CSGALNACT1: variants seen among roughly 807,000 people sequenced by gnomAD.
The protein encoded by CSGALNACT1 is beta4GalNAcT-1.
A neutral mutation model predicts 51.0 loss-of-function variants in CSGALNACT1; 52 were observed. The observed-to-expected ratio is 1.02, with a 90% CI of 0.82 to 1.29. CSGALNACT1 has a LOEUF of 1.29. Ranked by LOEUF, CSGALNACT1 falls within the 50% of genes most tolerant of loss-of-function variation. The probability of loss-of-function intolerance (pLI) is 0.00; values close to 1 mark genes in which losing one functional copy is unlikely to be tolerated. For synonymous variants in CSGALNACT1, 341 were observed against 254.4 expected (o/e 1.34, Z -3.24); for missense variants, 935 against 679.2 (o/e 1.38, Z -4.19).
rs148810039 is a variant in CSGALNACT1, at chr8:19,540,412, T to A, written c.-296-34282A>T. Among the ~76,000 whole-genome samples the A allele has an allele frequency of 9.4e-3, 1,431 of 152,298 alleles. 22 individuals carry two copies. The highest frequency in any genetic ancestry group is 0.033 in the African/African-American group (1,357 of 41,564). On this transcript the variant is annotated intron_variant, in intron 3 of 9. Coordinates refer to ENST00000454498, the Ensembl canonical transcript of CSGALNACT1. ...TCTTGCTCCCTGGATTCGTACCCCATCGGCTCACTGTGTGGATACAAAAGT... is the reference window on the plus strand; with the variant it reads ...TCTTGCTCCCTGGATTCGTACCCCAACGGCTCACTGTGTGGATACAAAAGT...
intron 3 of CSGALNACT1, among the ~76,000 whole-genome samples, chr8:19,573,675 C>G (rs1425547444): frequency 1.3e-5 from 2 of 152,074 alleles, no homozygotes; most frequent in East Asian, 3.9e-4. Context: ...AACTTCTGAC[C>G]TCAAGTGCTC....
intron 4 of CSGALNACT1, among the ~76,000 whole-genome samples, chr8:19,465,778 T>G (rs1043016556): frequency 1.3e-5 from 2 of 152,188 alleles, no homozygotes; most frequent in Middle Eastern, 3.2e-3. Flanking sequence ...ATTTCACAGA[T>G]GAGCAAAATG....
chr8:19,715,214 T>C (rs1165969533), intron 1 of CSGALNACT1, among the ~76,000 whole-genome samples: 5 of 152,162 alleles, frequency 3.3e-5, no homozygotes, highest in Admixed American at 6.5e-5. Context: ...GAGAACAGTA[T>C]GGGGGAAACT....
chr8:19,684,075 AG>A (rs1436153303), upstream of CSGALNACT1, among the ~76,000 whole-genome samples: 1 of 152,180 alleles, frequency 6.6e-6, no homozygotes, highest in Non-Finnish European at 1.5e-5. Flanking sequence ...CTGAAGCAGG[AG>A]AATCGTATGA....
intron 1 of CSGALNACT1, among the ~76,000 whole-genome samples, chr8:19,633,768 G>T (rs969023199): frequency 2.0e-5 from 3 of 152,188 alleles, no homozygotes; most frequent in Non-Finnish European, 4.4e-5. Flanking sequence ...AGCTTGTAGT[G>T]ATTTGTTATA....
intron 4 of CSGALNACT1, among the ~76,000 whole-genome samples, chr8:19,494,848 C>G (rs2075149127): frequency 6.9e-6 from 1 of 144,170 alleles, no homozygotes; most frequent in Non-Finnish European, 1.5e-5. Context: ...TCCATTTCTT[C>G]CCTCCACCCT....
chr8:19,530,960 C>T lies in CSGALNACT1; in HGVS notation c.-296-24830G>A, dbSNP rs561532983. 3.6e-4 allele frequency among the ~76,000 whole-genome samples: 55 copies of T among 152,284 alleles called. No homozygotes were observed. The South Asian group carries it at 4.4e-3, about 12-fold the overall frequency. ...CTACAGGGGGTTCTCTGCCACTCCC[C>T]ACAGAAACTGTCATCAGTCAATCAG... On this transcript the variant is annotated intron_variant, in intron 3 of 9. Transcript: ENST00000454498.
intron 1 of CSGALNACT1, among the ~76,000 whole-genome samples, chr8:19,660,511 G>A (rs1335129998): frequency 6.6e-6 from 1 of 152,138 alleles, no homozygotes; most frequent in East Asian, 1.9e-4. Flanking sequence ...AAATTGGGAG[G>A]AATACCAATG....
At chr8:19,460,731 C>G (rs1384621802) in intron 4 of CSGALNACT1, among the ~76,000 whole-genome samples, 1 of 152,200 alleles carries the variant, frequency 6.6e-6, no homozygotes, top group Non-Finnish European at 1.5e-5. Flanking sequence ...AGGTCTCTCA[C>G]AAACCCCTCC....
At chr8:19,598,552 T>C (rs2049479807) in intron 2 of CSGALNACT1, among the ~76,000 whole-genome samples, 1 of 152,264 alleles carries the variant, frequency 6.6e-6, no homozygotes, top group Non-Finnish European at 1.5e-5. Flanking sequence ...TATTTACTTA[T>C]AACATCTGCT....
chr8:19,651,981 A>G lies in CSGALNACT1; in HGVS notation c.-544+30492T>C, dbSNP rs182396004. On this transcript the variant is annotated intron_variant, in intron 1 of 9. Coordinates refer to the CSGALNACT1 transcript ENST00000332246. ...GCTCTCACTCTGCCACCCAGACTAG[A>G]GTACAGTGGCGTGATCTCCGCTCAC... Among the ~76,000 whole-genome samples, 551 of 151,754 alleles carry G rather than the reference A, an allele frequency of 3.6e-3. 3 individuals carry two copies. Among genetic ancestry groups the G allele is most frequent in the African/African-American group, 0.012 (500 of 41,362 alleles).
chr8:19,661,037 C>A (rs1361490682), intron 1 of CSGALNACT1, among the ~76,000 whole-genome samples: 1 of 152,208 alleles, frequency 6.6e-6, no homozygotes, highest in South Asian at 2.1e-4. Flanking sequence ...TTCACCCTCC[C>A]AAGTAGCTGG....
intron 1 of CSGALNACT1, among the ~76,000 whole-genome samples, chr8:19,692,009 A>G (rs2061350821): frequency 6.6e-6 from 1 of 152,140 alleles, no homozygotes; most frequent in Non-Finnish European, 1.5e-5. Flanking sequence ...TCATGGCAGA[A>G]GGGGAAACAA....
At chr8:19,440,496 G>A (rs2061142128) in intron 5 of CSGALNACT1, among the ~76,000 whole-genome samples, 1 of 151,606 alleles carries the variant, frequency 6.6e-6, no homozygotes, top group South Asian at 2.1e-4. Flanking sequence ...ATGCAGAAAA[G>A]GCCTTTGACA....
intron 4 of CSGALNACT1, among the ~76,000 whole-genome samples, chr8:19,480,163 T>C (rs146173336): frequency 6.6e-6 from 1 of 152,368 alleles, no homozygotes; most frequent in East Asian, 1.9e-4. Context: ...GTTTGTTATA[T>C]AGGTAAACTT....
At chr8:19,439,594 C>A (rs2060969336) in intron 6 of CSGALNACT1, among the ~76,000 whole-genome samples, 1 of 152,234 alleles carries the variant, frequency 6.6e-6, no homozygotes, top group Non-Finnish European at 1.5e-5. Flanking sequence ...CTGCTGTGCG[C>A]AGTTTATCTC....
intron 3 of CSGALNACT1, among the ~76,000 whole-genome samples, chr8:19,521,894 G>C (rs536004495): frequency 6.2e-4 from 94 of 152,348 alleles, no homozygotes; most frequent in Non-Finnish European, 1.1e-3. Flanking sequence ...GCAAGCATCT[G>C]CTCTACCAAT....
chr8:19,428,316 C>A (rs1563341594), intron 6 of CSGALNACT1, among the ~76,000 whole-genome samples: 4 of 152,116 alleles, frequency 2.6e-5, no homozygotes, highest in African/African-American at 9.7e-5. Flanking sequence ...TTCCATGTGG[C>A]TGGGGAGGCC....
chr8:19,439,601 T>A (rs1373456890), intron 6 of CSGALNACT1, among the ~76,000 whole-genome samples: 1 of 152,204 alleles, frequency 6.6e-6, no homozygotes, highest in Non-Finnish European at 1.5e-5. Flanking sequence ...GCGCAGTTTA[T>A]CTCCAATGTC....
Sources: allele counts gnomAD v4.1 joint callset (sites outside exome capture counted in the v4.1 genomes callset), GRCh38; gene constraint gnomAD v4.1.1; transcripts MANE v1.5; gene names NCBI Gene and HGNC (gene_info 2026-07-23, HGNC 2026-07-21).